GALNT2: variants seen among roughly 807,000 people sequenced by gnomAD.
GALNT2 encodes UDP-GalNAc:polypeptide N-acetylgalactosaminyltransferase 2.
In GALNT2, 31 loss-of-function variants were observed where a neutral mutation model predicts 81.4. That is an observed-to-expected ratio of 0.38 (90% CI 0.29 to 0.51). The LOEUF (loss-of-function observed/expected upper bound fraction) is 0.51. Ranked by LOEUF, GALNT2 falls within the 20% of genes least tolerant of loss-of-function variation. GALNT2 has a pLI of 0.87. For synonymous variants in GALNT2, 303 were observed against 287.4 expected (o/e 1.05, Z -0.55); for missense variants, 629 against 765.7 (o/e 0.82, Z 2.11).
intron 1 of GALNT2, among the ~76,000 whole-genome samples, chr1:230,165,700 C>T (rs377293211): frequency 5.3e-5 from 8 of 152,230 alleles, no homozygotes; most frequent in African/African-American, 1.9e-4. Context: ...AATGGACTTA[C>T]AAATAAGTGG....
At chr1:230,218,281 A>G (rs1484540473) in intron 3 of GALNT2, among the ~76,000 whole-genome samples, 2 of 152,338 alleles carry the variant, frequency 1.3e-5, no homozygotes, top group East Asian at 1.9e-4. Context: ...TAACCAAGCA[A>G]CTTGAAGAAT....
chr1:230,263,141 T>C, intron 13 of GALNT2, 136 bp downstream of exon 13: 1 of 696,334 alleles, frequency 1.4e-6, no homozygotes, highest in Admixed American at 2.4e-5. Context: ...GAGCCTGTGG[T>C]CTCACTCCAT....
chr1:230,203,710 A>C (rs1282355451), intron 3 of GALNT2, among the ~76,000 whole-genome samples: 1 of 152,244 alleles, frequency 6.6e-6, no homozygotes. Flanking sequence ...TGTTCTAAAG[A>C]TTAGAAAGGA....
intron 14 of GALNT2, among the ~76,000 whole-genome samples, chr1:230,272,395 A>T (rs1425478267): frequency 3.3e-5 from 5 of 151,862 alleles, no homozygotes; most frequent in African/African-American, 1.2e-4. Flanking sequence ...CTACTCTAGG[A>T]CTCTTCAGAG....
chr1:230,067,394 C>A lies in GALNT2; in HGVS notation c.114C>A (p.Gly38=). 1 of 1,254,738 alleles carries A rather than the reference C, an allele frequency of 8.0e-7. No homozygotes were observed. The allele number at this position is 1,254,738 out of a possible 1,614,324, so 77.7% of individuals were successfully genotyped here. A position where few individuals can be genotyped will look rare whatever the true frequency, so the allele number is the denominator to read the frequency against. Residue 38 remains glycine, a synonymous_variant, in exon 1 of 16, where the codon GGC becomes GGA. Coordinates refer to ENST00000366672, the MANE Select transcript of GALNT2 (RefSeq NM_004481.5). ...GSALAGGAGG[G]AGRKEDWNEI... ...CGCTGGCCGGGGGCGCGGGCGGCGGCGCCGGCAGGAAGGTGAGTGGAGCGC... is the reference window on the plus strand; with the variant it reads ...CGCTGGCCGGGGGCGCGGGCGGCGGAGCCGGCAGGAAGGTGAGTGGAGCGC...
intron 1 of GALNT2, among the ~76,000 whole-genome samples, chr1:230,107,972 G>A (rs1206925673): frequency 6.6e-6 from 1 of 152,170 alleles, no homozygotes; most frequent in Non-Finnish European, 1.5e-5. Context: ...GGTGCAGACA[G>A]GTGAATGTTA....
intron 3 of GALNT2, among the ~76,000 whole-genome samples, chr1:230,214,087 T>C (rs567194843): frequency 6.6e-6 from 1 of 151,806 alleles, no homozygotes; most frequent in Admixed American, 6.6e-5. Flanking sequence ...TTGTATCCTT[T>C]TGTTTGTCTG....
chr1:230,135,534 C>T (rs1210504580), intron 1 of GALNT2, among the ~76,000 whole-genome samples: 2 of 152,210 alleles, frequency 1.3e-5, no homozygotes, highest in Non-Finnish European at 2.9e-5. Context: ...GTGGAAATCA[C>T]ACGGCGGGGA....
intron 2 of GALNT2, among the ~76,000 whole-genome samples, chr1:230,197,501 A>G (rs1282588655): frequency 6.6e-6 from 1 of 152,182 alleles, no homozygotes; most frequent in Non-Finnish European, 1.5e-5. Flanking sequence ...GGTGGTTCCC[A>G]GCAGCCCTTT....
chr1:230,172,897 G>A (rs1201952334), intron 1 of GALNT2, among the ~76,000 whole-genome samples: 1 of 152,206 alleles, frequency 6.6e-6, no homozygotes, highest in South Asian at 2.1e-4. Flanking sequence ...TGTACTTAGA[G>A]ATAGGATGAA....
Position 230,255,174 on chromosome 1 carries a change from G to A in GALNT2, c.1010-44G>A, listed in dbSNP as rs142677409. ...GGTGTGTCTGCTGTTGCAGAGGTGC[G>A]TCCCAGGCTCTGTCAGTCACCTGTG... On this transcript the variant is annotated intron_variant, in intron 10 of 15. Transcript: ENST00000366672. The A allele has an allele frequency of 1.0e-3, 1,682 of 1,613,938 alleles. 4 individuals carry two copies. In the African/African-American group the frequency reaches 0.011, roughly 10 times the overall value.
At chr1:230,169,790 T>G (rs957539166) in intron 1 of GALNT2, among the ~76,000 whole-genome samples, 5 of 152,246 alleles carry the variant, frequency 3.3e-5, no homozygotes, top group Non-Finnish European at 7.3e-5. Flanking sequence ...TATCATAACA[T>G]ATTTTTTATT....
At chr1:230,057,843 T>A, upstream of GALNT2, 1 of 337,466 alleles carries the variant, frequency 3.0e-6, no homozygotes. Flanking sequence ...GAGAAGAAGC[T>A]TACCCTAAAG....
At chr1:230,179,325 T>C (rs377608300) in intron 2 of GALNT2, among the ~76,000 whole-genome samples, 1 of 152,190 alleles carries the variant, frequency 6.6e-6, no homozygotes, top group Non-Finnish European at 1.5e-5. Context: ...CCAAAGGGTA[T>C]GATTGCTGGA....
chr1:230,108,597 TAAGTTGG>T (rs1660609787), intron 1 of GALNT2, among the ~76,000 whole-genome samples: 1 of 152,232 alleles, frequency 6.6e-6, no homozygotes, highest in Non-Finnish European at 1.5e-5. Context: ...AAAGACACTG[TAAGTTGG>T]AAACATCTGA....
intron 1 of GALNT2, among the ~76,000 whole-genome samples, chr1:230,075,063 G>A (rs1469513392): frequency 2.1e-5 from 3 of 141,322 alleles, no homozygotes; most frequent in African/African-American, 7.8e-5. Flanking sequence ...TTCCTGGAAG[G>A]CATCTTGGAG....
chr1:230,222,569 G>A (rs752551439), intron 3 of GALNT2, among the ~76,000 whole-genome samples: 3 of 151,866 alleles, frequency 2.0e-5, no homozygotes, highest in Non-Finnish European at 2.9e-5. Context: ...TTTCAAAATC[G>A]TAAGAAACTG....
intron 3 of GALNT2, among the ~76,000 whole-genome samples, chr1:230,215,763 A>G (rs1664372181): frequency 6.6e-6 from 1 of 152,244 alleles, no homozygotes. Flanking sequence ...AACAATAATC[A>G]TGCTTGCCTG....
rs557029153 is a variant in GALNT2, at chr1:230,124,476, C to CT, written c.127-53741dup. Among the ~76,000 whole-genome samples, 221 of 152,282 alleles carry CT rather than the reference C, an allele frequency of 1.5e-3. 3 individuals carry two copies. The highest frequency in any genetic ancestry group is 0.014 in the Middle Eastern group (4 of 294). On this transcript the variant is annotated intron_variant, in intron 1 of 15. Transcript: ENST00000366672. ...CAAGGAAAATATAATTGAGTTCTCC[C>CT]TAAATCTACCTGTGGCATGAAAAAA... is the stretch of plus-strand genomic sequence containing the variant.
Sources: gnomAD v4.1 joint callset for allele counts (sites outside exome capture counted in the v4.1 genomes callset) on GRCh38, gnomAD v4.1.1 for gene constraint, MANE v1.5 for transcripts, NCBI Gene and HGNC (gene_info 2026-07-23, HGNC 2026-07-21) for gene names.